The following PPARGC1B variants were observed in gnomAD, a reference collection of about 807,000 sequenced individuals.
PPARGC1B encodes peroxisome proliferator-activated receptor gamma coactivator 1-beta.
PPARGC1B carries 34 observed loss-of-function variants against 101.6 expected under a neutral mutation model. The observed-to-expected ratio is 0.33, with a 90% CI of 0.25 to 0.45. The LOEUF (loss-of-function observed/expected upper bound fraction) is 0.45. PPARGC1B is among the 20% of genes least tolerant of loss of function. PPARGC1B has a pLI of 1.00. For missense variants in PPARGC1B, 1,234 were observed against 1,317.6 expected (o/e 0.94, Z 0.98); for synonymous variants, 548 against 539.3 (o/e 1.02, Z -0.22).
At chr5:149,744,849 C>T (rs559682088) in intron 1 of PPARGC1B, among the ~76,000 whole-genome samples, 3 of 151,326 alleles carry the variant, frequency 2.0e-5, no homozygotes, top group East Asian at 1.9e-4. Context: ...GTGGCACTTG[C>T]GCTTAGTGAT....
chr5:149,784,565 T>C (rs924113436), intron 1 of PPARGC1B, among the ~76,000 whole-genome samples: 2 of 84,042 alleles, frequency 2.4e-5, no homozygotes, highest in South Asian at 5.3e-4. Context: ...AGTTTCTTTT[T>C]TTTTTTTTTT....
At chr5:149,831,527 G>C (rs1369370733) in intron 4 of PPARGC1B, among the ~76,000 whole-genome samples, 1 of 152,138 alleles carries the variant, frequency 6.6e-6, no homozygotes, top group Non-Finnish European at 1.5e-5. Flanking sequence ...TCCCTTGCTG[G>C]GGCTTCTCTG....
At chr5:149,759,866 A>G (rs1041131969) in intron 1 of PPARGC1B, among the ~76,000 whole-genome samples, 9 of 152,276 alleles carry the variant, frequency 5.9e-5, no homozygotes, top group African/African-American at 1.9e-4. Flanking sequence ...AGGCAGTGCT[A>G]TTTGCCTAAG....
rs1399585566 is a variant in PPARGC1B, at chr5:149,730,927, G to T, written c.78+507G>T. On this transcript the variant is annotated intron_variant, in intron 1 of 11. Coordinates refer to ENST00000309241, the MANE Select transcript of PPARGC1B (RefSeq NM_133263.4). This position sits in a 1 kb window ranked among gnomAD's most constrained non-coding sequence, Gnocchi z 4.0. ...TGGCCCCCCGCGGCTTTCTACCCGCGCCCGCAGCGCGGAGTTTCCTGCCAG... is the reference window on the plus strand; with the variant it reads ...TGGCCCCCCGCGGCTTTCTACCCGCTCCCGCAGCGCGGAGTTTCCTGCCAG... 6.6e-6 allele frequency among the ~76,000 whole-genome samples: 1 copy of T among 152,226 alleles called. No individual in the cohort carries two copies. Among genetic ancestry groups the T allele is most frequent in the African/African-American group, 2.4e-5 (1 of 41,460 alleles).
chr5:149,774,551 G>A (rs987623757), intron 1 of PPARGC1B, among the ~76,000 whole-genome samples: 4 of 151,934 alleles, frequency 2.6e-5, no homozygotes, highest in Admixed American at 2.0e-4. Context: ...CGGGGATTGG[G>A]ATGATCTCTA....
intron 1 of PPARGC1B, among the ~76,000 whole-genome samples, chr5:149,755,199 G>A (rs148842546): frequency 2.6e-5 from 4 of 151,376 alleles, no homozygotes; most frequent in Admixed American, 2.0e-4. Context: ...GTGACCCACT[G>A]TGCCTGGCCT....
chr5:149,791,913 G>A (rs913171889), intron 1 of PPARGC1B, among the ~76,000 whole-genome samples: 2 of 152,234 alleles, frequency 1.3e-5, no homozygotes, highest in African/African-American at 4.8e-5. Context: ...AACACTGGAT[G>A]AATGAGCACT....
intron 1 of PPARGC1B, chr5:149,772,150 G>T: frequency 6.2e-7 from 1 of 1,606,864 alleles, no homozygotes. Context: ...GTAGGTGTTG[G>T]GCCAGAGGTT....
At chr5:149,732,207 G>A (rs1262407380) in intron 1 of PPARGC1B, among the ~76,000 whole-genome samples, 1 of 152,208 alleles carries the variant, frequency 6.6e-6, no homozygotes, top group Non-Finnish European at 1.5e-5. Flanking sequence ...CCCAGCCTCA[G>A]TACCCCCAGA....
chr5:149,806,718 C>T (rs1561563228), intron 1 of PPARGC1B, among the ~76,000 whole-genome samples: 1 of 151,922 alleles, frequency 6.6e-6, no homozygotes, highest in Non-Finnish European at 1.5e-5. Context: ...AGCGATTCTC[C>T]CGCCTCAGCC....
chr5:149,773,735 G>T (rs1756241728), intron 1 of PPARGC1B, among the ~76,000 whole-genome samples: 1 of 152,194 alleles, frequency 6.6e-6, no homozygotes, highest in African/African-American at 2.4e-5. Context: ...GGGTGGCCAT[G>T]TGCTGGAAAT....
intron 1 of PPARGC1B, among the ~76,000 whole-genome samples, chr5:149,816,045 C>T (rs1419791605): frequency 6.6e-6 from 1 of 151,898 alleles, no homozygotes; most frequent in Non-Finnish European, 1.5e-5. Flanking sequence ...GGAAGCCTCC[C>T]GGGACAGGAC....
At chr5:149,812,534 T>C (rs1757904854) in intron 1 of PPARGC1B, among the ~76,000 whole-genome samples, 7 of 152,224 alleles carry the variant, frequency 4.6e-5, no homozygotes, top group Admixed American at 4.6e-4. Flanking sequence ...ACGTATTCAC[T>C]CCCATAACTG....
chr5:149,833,206 C>G lies in PPARGC1B; in HGVS notation c.1133C>G (p.Pro378Arg), dbSNP rs750126644. 19 of 1,613,394 alleles carry G rather than the reference C, an allele frequency of 1.2e-5. No individual in the cohort carries two copies. In the South Asian group the frequency reaches 1.5e-4, roughly 13 times the overall value. The change falls in exon 5 of 12, where the codon CCC (proline) becomes CGC (arginine). Residue 378 changes from proline to arginine, a missense_variant. Around this residue, in one of 3 missense-constraint regions of PPARGC1B, gnomAD observed 734 missense variants for 768.4 expected, o/e 0.96. Transcript: ENST00000309241. The surrounding 1 kb of genome is among the most constrained non-coding windows in gnomAD (Gnocchi z 4.1). ...SLTPRSRPRP[P>R]KDSQASPGRP... ...ACACCTCGGTCAAGGCCCAGGCCCC[C>G]CAAAGACAGTCAGGCCTCCCCTGGT...
intron 2 of PPARGC1B, among the ~76,000 whole-genome samples, chr5:149,823,730 G>T (rs1758394359): frequency 6.6e-6 from 1 of 152,178 alleles, no homozygotes. Flanking sequence ...TCCCAGTCAG[G>T]CTCAGAGCTT....
intron 3 of PPARGC1B, among the ~76,000 whole-genome samples, chr5:149,828,883 A>AT (rs201069324): frequency 2.1e-3 from 297 of 144,466 alleles, no homozygotes; most frequent in African/African-American, 3.2e-3. Context: ...CATCTCTATG[A>AT]TTTTTTTTTT....
intron 1 of PPARGC1B, among the ~76,000 whole-genome samples, chr5:149,741,596 A>T (rs932507527): frequency 6.7e-6 from 1 of 150,046 alleles, no homozygotes; most frequent in Non-Finnish European, 1.5e-5. Context: ...TACTGTTCCC[A>T]CCACTGCAAG....
Position 149,746,246 on chromosome 5 carries a change from C to A in PPARGC1B, c.78+15826C>A, listed in dbSNP as rs565560507. ...ATTGCCATGGCTTGCTGCTTCCTCACCTCCTTCCTGTCCTGTCAGGTGTCA... is the reference window on the plus strand; with the variant it reads ...ATTGCCATGGCTTGCTGCTTCCTCAACTCCTTCCTGTCCTGTCAGGTGTCA... On this transcript the variant is annotated intron_variant, in intron 1 of 11. Coordinates refer to ENST00000309241, the MANE Select transcript of PPARGC1B (RefSeq NM_133263.4). Among the ~76,000 whole-genome samples the A allele has an allele frequency of 3.9e-5, 6 of 152,362 alleles. No individual in the cohort carries two copies. The East Asian group carries it at 9.6e-4, about 24-fold the overall frequency.
At chr5:149,814,901 G>A (rs1217300740) in intron 1 of PPARGC1B, among the ~76,000 whole-genome samples, 2 of 152,198 alleles carry the variant, frequency 1.3e-5, no homozygotes, top group African/African-American at 4.8e-5. Context: ...GCACGTTGAG[G>A]GGCCAGAGAG....
Sources: gnomAD v4.1 joint callset for allele counts (sites outside exome capture counted in the v4.1 genomes callset) on GRCh38, gnomAD v4.1.1 for gene constraint, gnomAD v4.1.1 regional missense constraint, Gnocchi (gnomAD v3.1) non-coding constraint, MANE v1.5 for transcripts, NCBI Gene and HGNC (gene_info 2026-07-23, HGNC 2026-07-21) for gene names.